The following CNGB1 variants were observed in gnomAD, a reference collection of about 807,000 sequenced individuals.
The protein encoded by CNGB1 is cyclic nucleotide gated channel subunit beta 1, also known as cyclic nucleotide-gated channel beta-1.
A neutral mutation model predicts 151.7 loss-of-function variants in CNGB1; 126 were observed. The ratio of observed to expected loss-of-function variants is 0.83; its 90% CI spans 0.72 to 0.96. The LOEUF is 0.96. CNGB1 is among the 40% of genes least tolerant of loss of function. CNGB1 has a pLI of 0.00. For missense variants in CNGB1, 1,698 were observed against 1,627.0 expected (o/e 1.04, Z -0.75); for synonymous variants, 623 against 635.1 (o/e 0.98, Z 0.29).
At chr16:57,924,134 G>T (rs1182092675) in intron 17 of CNGB1, among the ~76,000 whole-genome samples, 1 of 152,150 alleles carries the variant, frequency 6.6e-6, no homozygotes, top group Admixed American at 6.6e-5. Context: ...TGGAGCCTGG[G>T]TGTCTGACTT....
intron 14 of CNGB1, among the ~76,000 whole-genome samples, chr16:57,947,349 T>C (rs1369282326): frequency 1.3e-5 from 2 of 152,156 alleles, no homozygotes; most frequent in African/African-American, 4.8e-5. Flanking sequence ...AGGCAGCCAC[T>C]TGTAGCTATA....
Position 57,884,446 on chromosome 16 carries a change from C to G in CNGB1, c.3474G>C (p.Ser1158=). ...QQELVEQAKS[S]QDVKGEEGSA... ...AGCCTTCCTCTCCCTTGACGTCTTG[C>G]GAGCTCTTGGCCTGGAATCCAGAAA... The change falls in exon 33 of 33, where the codon TCG becomes TCC. Residue 1158 remains serine, a synonymous_variant. Coordinates refer to ENST00000251102, the MANE Select transcript of CNGB1 (RefSeq NM_001297.5). 1 of 1,613,476 alleles carries G rather than the reference C, an allele frequency of 6.2e-7. No individual in the cohort carries two copies. The highest frequency in any genetic ancestry group is 1.1e-5 in the South Asian group (1 of 91,044).
intron 31 of CNGB1, among the ~76,000 whole-genome samples, chr16:57,897,087 C>T (rs1480148392): frequency 6.6e-6 from 1 of 152,006 alleles, no homozygotes; most frequent in East Asian, 1.9e-4. Flanking sequence ...ATCATGTGAG[C>T]CCAGGAGTTT....
At chr16:57,889,340 G>A (rs1472864823) in intron 31 of CNGB1, among the ~76,000 whole-genome samples, 1 of 152,172 alleles carries the variant, frequency 6.6e-6, no homozygotes, top group Non-Finnish European at 1.5e-5. Context: ...AGCCAGCTGT[G>A]TTGGAGAAGG....
intron 10 of CNGB1, among the ~76,000 whole-genome samples, chr16:57,959,653 A>G (rs542440992): frequency 4.6e-5 from 7 of 152,324 alleles, no homozygotes; most frequent in African/African-American, 1.7e-4. Flanking sequence ...ACGAGTATGT[A>G]TAGTTTGCTC....
rs764558982 is a variant in CNGB1, at chr16:57,919,262, A to G, written c.1802-8T>C. 1 of 1,613,796 alleles carries G rather than the reference A, an allele frequency of 6.2e-7. No homozygotes were observed. The highest frequency in any genetic ancestry group is 1.1e-5 in the South Asian group (1 of 91,056). On this transcript the variant is annotated splice_polypyrimidine_tract_variant and splice_region_variant and intron_variant, in intron 19 of 32. Coordinates refer to ENST00000251102, the MANE Select transcript of CNGB1 (RefSeq NM_001297.5). The stretch of plus-strand genomic sequence containing the variant: ...GGGCTTTCTTGGCTGGGGCTGTGGG[A>G]TGACATTGGTGACCATCTGAACCAG...
At chr16:57,906,638 G>A (rs925864298) in intron 25 of CNGB1, among the ~76,000 whole-genome samples, 1 of 152,248 alleles carries the variant, frequency 6.6e-6, no homozygotes, top group Non-Finnish European at 1.5e-5. Context: ...CAGAGGGCAC[G>A]CGAAGCAGCG....
intron 6 of CNGB1, 100 bp downstream of exon 6, chr16:57,962,742 T>C: frequency 1.9e-6 from 3 of 1,582,760 alleles, no homozygotes; most frequent in Non-Finnish European, 1.7e-6. Context: ...GGTGAGAAGA[T>C]CCAGCCTGGG....
intron 17 of CNGB1, among the ~76,000 whole-genome samples, chr16:57,925,438 A>T (rs1341898901): frequency 2.6e-5 from 4 of 152,228 alleles, no homozygotes; most frequent in Admixed American, 6.5e-5. Flanking sequence ...AATCAGCAAG[A>T]GAAACTTGGC....
intron 12 of CNGB1, among the ~76,000 whole-genome samples, chr16:57,956,335 G>A (rs1265307897): frequency 2.6e-5 from 4 of 152,170 alleles, no homozygotes; most frequent in African/African-American, 9.7e-5. Context: ...GCTTCCATGA[G>A]AGACTGCTTA....
chr16:57,962,190 G>A (rs982460879), intron 7 of CNGB1, among the ~76,000 whole-genome samples: 2 of 152,156 alleles, frequency 1.3e-5, no homozygotes, highest in Non-Finnish European at 2.9e-5. Context: ...TGAGAACTCA[G>A]ACACTGAGGC....
At chr16:57,906,503 C>T (rs1293549294) in intron 25 of CNGB1, among the ~76,000 whole-genome samples, 1 of 152,172 alleles carries the variant, frequency 6.6e-6, no homozygotes. Flanking sequence ...GGGGCTCTGC[C>T]TCTGATAGCT....
chr16:57,922,077 T>C (rs1322164679), intron 18 of CNGB1, among the ~76,000 whole-genome samples: 2 of 152,232 alleles, frequency 1.3e-5, no homozygotes, highest in African/African-American at 2.4e-5. Flanking sequence ...GTCCACTGCG[T>C]GCTGCAGTGG....
At chr16:57,885,000 A>T (rs1166004516) in intron 32 of CNGB1, among the ~76,000 whole-genome samples, 1 of 152,124 alleles carries the variant, frequency 6.6e-6, no homozygotes, top group African/African-American at 2.4e-5. Context: ...TACCCCTGCT[A>T]TTGGGCTGCG....
Position 57,888,193 on chromosome 16 carries a change from G to A in CNGB1, c.3243-119C>T, listed in dbSNP as rs188234789. 3.3e-4 allele frequency: 359 copies of A among 1,072,754 alleles called. No homozygotes were observed. The African/African-American group carries it at 4.8e-3, about 14-fold the overall frequency. The allele number at this position is 1,072,754 out of a possible 1,614,324, so 66.5% of individuals were successfully genotyped here. A position where few individuals can be genotyped will look rare whatever the true frequency, so the allele number is the denominator to read the frequency against. ...GTGGTGGTGATTTTGGCTGGTGATT[G>A]TAGAGAGTTTTTTCTGGGCCAAGCG... On this transcript the variant is annotated intron_variant, in intron 31 of 32. Transcript: ENST00000251102.
chr16:57,884,669 G>A (rs372060639), intron 32 of CNGB1, among the ~76,000 whole-genome samples: 78 of 152,186 alleles, frequency 5.1e-4, no homozygotes, highest in African/African-American at 1.7e-3. Flanking sequence ...TAAAAGTCCC[G>A]GTTGGATTTC....
intron 25 of CNGB1, among the ~76,000 whole-genome samples, chr16:57,906,161 T>C (rs1203825881): frequency 6.6e-6 from 1 of 152,190 alleles, no homozygotes; most frequent in Non-Finnish European, 1.5e-5. Context: ...GGCTCAGCCA[T>C]TCGGCTCAGC....
Position 57,967,829 on chromosome 16 carries a change from GA to G in CNGB1, c.-8-536del, listed in dbSNP as rs570520156. 5.9e-5 allele frequency among the ~76,000 whole-genome samples: 9 copies of G among 151,984 alleles called. No individual in the cohort carries two copies. The East Asian group carries it at 1.7e-3, about 29-fold the overall frequency. ...TATATCTCTAGGTATTTACCTTATA[GA>G]ATTACTCAAGGCCATAAATATATGT... On this transcript the variant is annotated intron_variant, in intron 1 of 32. Coordinates refer to ENST00000251102, the MANE Select transcript of CNGB1 (RefSeq NM_001297.5).
At chr16:57,910,633 C>G (rs1029116679) in intron 25 of CNGB1, among the ~76,000 whole-genome samples, 1 of 150,384 alleles carries the variant, frequency 6.6e-6, no homozygotes, top group Admixed American at 6.6e-5. Flanking sequence ...CTCAGCCTCC[C>G]AAAGTGTTGG....
Sources: allele counts gnomAD v4.1 joint callset (sites outside exome capture counted in the v4.1 genomes callset), GRCh38; gene constraint gnomAD v4.1.1; transcripts MANE v1.5; gene names NCBI Gene and HGNC (gene_info 2026-07-23, HGNC 2026-07-21).